The following KIAA1549L variants were observed in gnomAD, a reference collection of about 807,000 sequenced individuals.
KIAA1549L encodes the protein KIAA1549 like.
In KIAA1549L, 88 loss-of-function variants were observed where a neutral mutation model predicts 160.7. The observed-to-expected ratio is 0.55, with a 90% CI of 0.46 to 0.65. The LOEUF is 0.65. Among genes scored for constraint, KIAA1549L ranks in the 30% least tolerant of loss-of-function variants. KIAA1549L has a pLI of 0.00. For synonymous variants in KIAA1549L, 950 were observed against 976.7 expected (o/e 0.97, Z 0.51); for missense variants, 2,258 against 2,437.5 (o/e 0.93, Z 1.55).
intron 1 of KIAA1549L, among the ~76,000 whole-genome samples, chr11:33,518,361 C>T (rs982883063): frequency 6.6e-6 from 1 of 152,058 alleles, no homozygotes; most frequent in Non-Finnish European, 1.5e-5. Flanking sequence ...GGGAGCATGT[C>T]GGGGAATTGC....
At chr11:33,453,446 C>T (rs1399875728) in intron 1 of KIAA1549L, among the ~76,000 whole-genome samples, 1 of 152,180 alleles carries the variant, frequency 6.6e-6, no homozygotes, top group Non-Finnish European at 1.5e-5. Flanking sequence ...AGAGGATTCA[C>T]TCCTAGGCTG....
intron 1 of KIAA1549L, among the ~76,000 whole-genome samples, chr11:33,430,929 C>T (rs948333033): frequency 6.6e-6 from 1 of 152,172 alleles, no homozygotes; most frequent in Non-Finnish European, 1.5e-5. Context: ...AGAATGAAGC[C>T]GTGGACCCTC....
At chr11:33,571,023 G>A (rs1024956404) in intron 9 of KIAA1549L, among the ~76,000 whole-genome samples, 28 of 152,318 alleles carry the variant, frequency 1.8e-4, no homozygotes, top group Middle Eastern at 3.4e-3. Context: ...AGTGGCTCAC[G>A]CCTGTAATCC....
At chr11:33,390,651 C>T (rs759102292) in intron 1 of KIAA1549L, among the ~76,000 whole-genome samples, 2 of 152,164 alleles carry the variant, frequency 1.3e-5, no homozygotes, top group Admixed American at 6.5e-5. Context: ...TTCACCATGG[C>T]CTTGGTAGAG....
At chr11:33,434,288 C>T (rs1473942933) in intron 1 of KIAA1549L, among the ~76,000 whole-genome samples, 1 of 152,046 alleles carries the variant, frequency 6.6e-6, no homozygotes, top group Non-Finnish European at 1.5e-5. Context: ...TGGGAGTTCC[C>T]CTGCACAAGC....
intron 1 of KIAA1549L, among the ~76,000 whole-genome samples, chr11:33,455,830 A>G (rs779940091): frequency 5.3e-5 from 8 of 152,240 alleles, no homozygotes; most frequent in Non-Finnish European, 8.8e-5. Context: ...TCTGCTAGAT[A>G]TATGTTGGAA....
At chr11:33,488,470 C>T (rs1852580615) in intron 1 of KIAA1549L, among the ~76,000 whole-genome samples, 1 of 152,232 alleles carries the variant, frequency 6.6e-6, no homozygotes, top group East Asian at 1.9e-4. Flanking sequence ...GCCTCTAATT[C>T]TTGTGTCTTG....
chr11:33,620,027 G>A (rs1197445139), intron 16 of KIAA1549L, among the ~76,000 whole-genome samples: 1 of 149,786 alleles, frequency 6.7e-6, no homozygotes, highest in African/African-American at 2.5e-5. Flanking sequence ...GGCATTAATA[G>A]GGTTTTTTAG....
Position 33,658,733 on chromosome 11 carries a change from C to A in KIAA1549L, c.5859-17C>A. On this transcript the variant is annotated splice_polypyrimidine_tract_variant and intron_variant, in intron 18 of 20. Coordinates refer to ENST00000658780, the MANE Select transcript of KIAA1549L (RefSeq NM_012194.3). Reference sequence around the variant, plus strand: ...AGGTCTGGGACAGTGCTAACGCAGTCCCTCTGCCCCATCTAGATCCACCTC... The same window carrying A: ...AGGTCTGGGACAGTGCTAACGCAGTACCTCTGCCCCATCTAGATCCACCTC... 1 of 1,566,994 alleles carries A rather than the reference C, an allele frequency of 6.4e-7. No homozygotes were observed. The highest frequency in any genetic ancestry group is 8.6e-7 in the Non-Finnish European group (1 of 1,156,764).
intron 9 of KIAA1549L, among the ~76,000 whole-genome samples, chr11:33,571,297 T>C (rs544833218): frequency 6.6e-6 from 1 of 152,096 alleles, no homozygotes; most frequent in East Asian, 1.9e-4. Context: ...AGCAAGACTG[T>C]CTCAAAAGAG....
At position 33,470,686 on chromosome 11, in the gene KIAA1549L, C is replaced by T. The variant is rs1390203724; in HGVS notation, c.239-71116C>T. Among the ~76,000 whole-genome samples the T allele has an allele frequency of 2.0e-5, 3 of 152,160 alleles. No homozygotes were observed. In the East Asian group the frequency reaches 5.8e-4, roughly 29 times the overall value. On this transcript the variant is annotated intron_variant, in intron 1 of 20. Coordinates refer to ENST00000658780, the MANE Select transcript of KIAA1549L (RefSeq NM_012194.3). The stretch of plus-strand genomic sequence containing the variant: ...GAACTCTTGAGTTCAAGCAATCCAC[C>T]TGCCAATCCACCCGCCTTGGCCTCC...
rs71034680 is a variant in KIAA1549L at position 33,398,950 on chromosome 11, GT to G, written c.238+22076del. ...TTTGGCTCCTTTCACTCCAGTGAGT[GT>G]TTTTTTTTTTTTTTCTTTTGAAATG... On this transcript the variant is annotated intron_variant, in intron 1 of 20. Transcript: ENST00000658780. Among the ~76,000 whole-genome samples, 1,308 of 139,900 alleles carry G rather than the reference GT, an allele frequency of 9.3e-3. 11 individuals carry two copies. The highest frequency in any genetic ancestry group is 0.022 in the African/African-American group (838 of 37,914). The allele number at this position is 139,900 out of a possible 152,430, so 91.8% of individuals were successfully genotyped here.
At chr11:33,463,911 C>T (rs982226201) in intron 1 of KIAA1549L, among the ~76,000 whole-genome samples, 11 of 152,184 alleles carry the variant, frequency 7.2e-5, no homozygotes, top group South Asian at 4.1e-4. Flanking sequence ...GTTTTTCCCT[C>T]GTGCTGTATT....
intron 1 of KIAA1549L, among the ~76,000 whole-genome samples, chr11:33,415,640 G>T (rs950721406): frequency 6.6e-6 from 1 of 152,090 alleles, no homozygotes; most frequent in Admixed American, 6.5e-5. Context: ...TCTGTACTGC[G>T]CAGGTGGATA....
intron 1 of KIAA1549L, among the ~76,000 whole-genome samples, chr11:33,466,253 A>G (rs1332065830): frequency 6.6e-6 from 1 of 152,194 alleles, no homozygotes; most frequent in Non-Finnish European, 1.5e-5. Context: ...AGAATCTACA[A>G]AGAACTTAAA....
intron 1 of KIAA1549L, among the ~76,000 whole-genome samples, chr11:33,442,844 T>C (rs931079482): frequency 6.6e-6 from 1 of 152,206 alleles, no homozygotes; most frequent in Non-Finnish European, 1.5e-5. Context: ...TCCATATCAC[T>C]TCTTTCATGT....
intron 1 of KIAA1549L, among the ~76,000 whole-genome samples, chr11:33,439,646 C>T (rs971600738): frequency 6.8e-6 from 1 of 146,502 alleles, no homozygotes; most frequent in Non-Finnish European, 1.5e-5. Flanking sequence ...CTCCTGACCT[C>T]GTGATCCGCC....
Position 33,547,750 on chromosome 11 carries a change from A to G in KIAA1549L, c.3386-14A>G, listed in dbSNP as rs1441654880. The G allele has an allele frequency of 3.8e-6, 6 of 1,560,574 alleles. No individual in the cohort carries two copies. Among genetic ancestry groups the G allele is most frequent in the South Asian group, 1.1e-5 (1 of 88,744 alleles). On this transcript the variant is annotated splice_polypyrimidine_tract_variant and intron_variant, in intron 3 of 20. Transcript: ENST00000658780. ...CGCCTTGCCTGATTGCCATGCTTCT[A>G]TTTTACCCCACAGTTCTCTTTCTCA...
chr11:33,480,696 C>T (rs186727060), intron 1 of KIAA1549L, among the ~76,000 whole-genome samples: 17 of 152,304 alleles, frequency 1.1e-4, no homozygotes, highest in Admixed American at 4.6e-4. Context: ...CACCCAAGTC[C>T]TGGTGGGCCA....
Sources: allele counts gnomAD v4.1 joint callset (sites outside exome capture counted in the v4.1 genomes callset), GRCh38; gene constraint gnomAD v4.1.1; transcripts MANE v1.5; gene names NCBI Gene and HGNC (gene_info 2026-07-23, HGNC 2026-07-21).